WARS1: variants seen among roughly 807,000 people sequenced by gnomAD.
WARS1 encodes the protein tryptophanyl-tRNA synthetase 1.
A neutral mutation model predicts 47.8 loss-of-function variants in WARS1; 17 were observed. The observed-to-expected ratio is 0.36, with a 90% CI of 0.24 to 0.53. The LOEUF is 0.53. Ranked by LOEUF, WARS1 falls within the 20% of genes least tolerant of loss-of-function variation. The pLI is 0.91. For missense variants in WARS1, 434 were observed against 608.0 expected, an observed-to-expected ratio of 0.71 and a Z score of 3.01; for synonymous variants, 208 against 228.1, an observed-to-expected ratio of 0.91 and a Z score of 0.79.
At chr14:100,363,314 C>A (rs890202266) in intron 2 of WARS1, among the ~76,000 whole-genome samples, 1 of 152,024 alleles carries the variant, frequency 6.6e-6, no homozygotes, top group Non-Finnish European at 1.5e-5. Flanking sequence ...TGGAATAGCA[C>A]CAAAATAAGA....
In WARS1 at chr14:100,340,832, T is replaced by TA. The variant is rs372384611; in HGVS notation, c.1113+1565dup. Among the ~76,000 whole-genome samples the TA allele has an allele frequency of 6.1e-3, 933 of 152,264 alleles. 6 individuals carry two copies. The highest frequency in any genetic ancestry group is 0.01 in the Middle Eastern group (3 of 294). ...GCCTCTGTTTTTCCTGACCTCATGC[T>TA]AACTGCTCACCTCGAGGGCTCTACT... On this transcript the variant is annotated intron_variant, in intron 9 of 10. Transcript: ENST00000392882.
rs1008905841 is a variant in WARS1 at position 100,375,329 on chromosome 14, C to A, written c.-120G>T. ...AGAGGTGGCCACTGGTCACGCTGGG[C>A]AGTTGAGCTGCTGAGAGTGCCCTGC... On this transcript the variant is annotated 5_prime_UTR_variant, in exon 1 of 11. Transcript: ENST00000392882. 6.6e-6 allele frequency: 1 copy of A among 152,250 alleles called. No individual in the cohort carries two copies. Among genetic ancestry groups the A allele is most frequent in the Non-Finnish European group, 1.5e-5 (1 of 68,052 alleles). 9.4% of individuals were successfully genotyped at this position (152,250 alleles called of 1,614,324 possible). A position where few individuals can be genotyped will look rare whatever the true frequency, so the allele number is the denominator to read the frequency against.
At position 100,343,953 on chromosome 14, in the gene WARS1, A is replaced by G. The variant is rs188807596; in HGVS notation, c.827-566T>C. Among the ~76,000 whole-genome samples, 720 of 152,278 alleles carry G rather than the reference A, an allele frequency of 4.7e-3. 3 individuals are homozygous for G. Among genetic ancestry groups the G allele is most frequent in the Non-Finnish European group, 7.7e-3 (527 of 68,010 alleles). On this transcript the variant is annotated intron_variant, in intron 7 of 10. Coordinates refer to ENST00000392882, the MANE Select transcript of WARS1 (RefSeq NM_004184.4). Reference sequence around the variant, plus strand: ...CGGCCTTCCTTGCCTTTTTCATTGTAATGACTATCCATGTTGTTACTAAGT... The same window carrying G: ...CGGCCTTCCTTGCCTTTTTCATTGTGATGACTATCCATGTTGTTACTAAGT...
At position 100,353,858 on chromosome 14, in the gene WARS1, T is replaced by C; in HGVS notation, c.554A>G (p.Asp185Gly). ...GATGACCAAGGGCACGTTAAATACA[T>C]CCTGGAGCCACCTAAAGAAACACAG... The part of the protein sequence containing the change: ...IPFIFTKWLQ[D>G]VFNVPLVIQM... The change falls in exon 6 of 11, where the codon GAT (aspartate) becomes GGT (glycine). Residue 185 changes from aspartate to glycine, a missense_variant. By Grantham distance (94) the Asp-to-Gly change is moderately conservative (BLOSUM62 -1). This residue lies in a region of WARS1 where 347 missense variants were observed against 523.8 expected (regional missense o/e 0.66). Coordinates refer to ENST00000392882, the MANE Select transcript of WARS1 (RefSeq NM_004184.4). 3 of 1,613,684 alleles carry C rather than the reference T, an allele frequency of 1.9e-6. 1 individual carries two copies. The South Asian group carries it at 3.3e-5, about 18-fold the overall frequency.
At chr14:100,336,115 A>C (rs1411807100) in intron 10 of WARS1, among the ~76,000 whole-genome samples, 15 of 151,918 alleles carry the variant, frequency 9.9e-5, no homozygotes, top group Admixed American at 9.8e-4. Context: ...CTCTACTAAA[A>C]ATACAAAAAA....
At position 100,335,087 on chromosome 14, in the gene WARS1, G is replaced by A. The variant is rs189299876; in HGVS notation, c.1255-51C>T. ...AGAGATGGCTCCACATGTCCTGAGT[G>A]GCTCCTTCCTGCCTCGGGCACCAGC... On this transcript the variant is annotated intron_variant, in intron 10 of 10. Coordinates refer to ENST00000392882, the MANE Select transcript of WARS1 (RefSeq NM_004184.4). The A allele has an allele frequency of 4.0e-4, 635 of 1,573,064 alleles. 2 individuals carry two copies. The East Asian group carries it at 8.4e-3, about 21-fold the overall frequency.
chr14:100,346,923 G>A, intron 6 of WARS1, 77 bp from the exon 7 acceptor site: 1 of 1,320,888 alleles, frequency 7.6e-7, no homozygotes. Flanking sequence ...ATTAAAATTG[G>A]ATGCCAATGA....
At position 100,353,882 on chromosome 14, in the gene WARS1, AG is replaced by A. The variant is rs770665343; in HGVS notation, c.543-14del. ...ATCCTGGAGCCACCTAAAGAAACAC[AG>A]GGGGAGAAAGCTGACGTCTCATCTC... On this transcript the variant is annotated splice_polypyrimidine_tract_variant and intron_variant, in intron 5 of 10. Transcript: ENST00000392882. 1.4e-5 allele frequency: 22 copies of A among 1,610,274 alleles called. No homozygotes were observed. In the East Asian group the frequency reaches 4.2e-4, roughly 31 times the overall value.
chr14:100,362,100 C>T (rs1354235354), intron 2 of WARS1, among the ~76,000 whole-genome samples, 179 bp from the exon 3 acceptor site: 1 of 152,224 alleles, frequency 6.6e-6, no homozygotes, highest in African/African-American at 2.4e-5. Flanking sequence ...GAATCTGAGA[C>T]TCAGAGAGGT....
intron 5 of WARS1, 58 bp downstream of exon 5, chr14:100,354,389 T>A: frequency 6.3e-7 from 1 of 1,582,894 alleles, no homozygotes; most frequent in Non-Finnish European, 8.6e-7. Context: ...ACATGGTTTA[T>A]AAGCAACATT....
intron 9 of WARS1, 35 bp downstream of exon 9, chr14:100,342,363 C>T (rs375604583): frequency 1.9e-6 from 3 of 1,612,146 alleles, no homozygotes; most frequent in East Asian, 2.2e-5. Flanking sequence ...TGTTTCTGAT[C>T]CCGCTGGCTG....
chr14:100,362,150 C>T (rs2400899), intron 2 of WARS1, among the ~76,000 whole-genome samples: 104,111 of 152,088 alleles, frequency 0.68, 36,831 homozygotes, highest in Admixed American at 0.81. Flanking sequence ...GTCATTGGCT[C>T]GAAAACACTT....
At chr14:100,354,267 C>T in intron 5 of WARS1, 180 bp downstream of exon 5, 1 of 831,182 alleles carries the variant, frequency 1.2e-6, no homozygotes, top group Non-Finnish European at 1.8e-6. Context: ...CCCATCACTC[C>T]ATGGTCCTCT....
rs1405924084 is a variant in WARS1 at position 100,373,031 on chromosome 14, CT to C, written c.-74+2251del. On this transcript the variant is annotated intron_variant, in intron 1 of 10. Coordinates refer to ENST00000392882, the MANE Select transcript of WARS1 (RefSeq NM_004184.4). This position sits in a 1 kb window ranked among gnomAD's most constrained non-coding sequence, Gnocchi z 4.4. ...CATCCTTTGTGATCCCCAAACACTC[CT>C]TTAGTAACTTTATGAAAGCACTCAC... 1.3e-5 allele frequency among the ~76,000 whole-genome samples: 2 copies of C among 152,204 alleles called. No homozygotes were observed. Among genetic ancestry groups the C allele is most frequent in the Non-Finnish European group, 2.9e-5 (2 of 68,040 alleles).
intron 8 of WARS1, 46 bp from the exon 9 acceptor site, chr14:100,342,617 C>T: frequency 6.4e-7 from 1 of 1,554,278 alleles, no homozygotes; most frequent in Non-Finnish European, 8.7e-7. Flanking sequence ...AGAAAACATG[C>T]CAGCTTTCAG....
At chr14:100,356,527 A>G (rs1228294242) in intron 4 of WARS1, among the ~76,000 whole-genome samples, 2 of 152,120 alleles carry the variant, frequency 1.3e-5, no homozygotes, top group African/African-American at 4.8e-5. Context: ...ATAACTGTAT[A>G]CCAATACATT....
intron 7 of WARS1, among the ~76,000 whole-genome samples, chr14:100,344,209 A>G (rs1894373344): frequency 6.6e-6 from 1 of 151,962 alleles, no homozygotes; most frequent in Non-Finnish European, 1.5e-5. Flanking sequence ...CAGCCTGCCG[A>G]GTGCCTGCAA....
intron 1 of WARS1, among the ~76,000 whole-genome samples, chr14:100,372,238 T>C (rs992622226): frequency 1.3e-5 from 2 of 152,086 alleles, no homozygotes; most frequent in Non-Finnish European, 2.9e-5. Context: ...AAACCCTGTT[T>C]GGTGGTCTCT....
At chr14:100,356,752 C>CA (rs963267294) in intron 4 of WARS1, among the ~76,000 whole-genome samples, 7 of 151,526 alleles carry the variant, frequency 4.6e-5, no homozygotes, top group Admixed American at 2.0e-4. Flanking sequence ...CAAGCTTTTC[C>CA]AAAAAAAATT....
Sources: gnomAD v4.1 joint callset for allele counts (sites outside exome capture counted in the v4.1 genomes callset) on GRCh38, gnomAD v4.1.1 for gene constraint, gnomAD v4.1.1 regional missense constraint, Gnocchi (gnomAD v3.1) non-coding constraint, MANE v1.5 for transcripts, NCBI Gene and HGNC (gene_info 2026-07-23, HGNC 2026-07-21) for gene names.